Variants in TLK1 observed in about 807,000 individuals in gnomAD.
TLK1 encodes the protein tousled like kinase 1, also known as serine/threonine-protein kinase tousled-like 1.
TLK1 carries 24 observed loss-of-function variants against 105.3 expected under a neutral mutation model. That is an observed-to-expected ratio of 0.23 (90% CI 0.17 to 0.32). TLK1 has a LOEUF of 0.32. TLK1 is among the 10% of genes least tolerant of loss of function. TLK1 has a pLI of 1.00. For missense variants in TLK1, 558 were observed against 910.5 expected, an observed-to-expected ratio of 0.61 and a Z score of 4.98; for synonymous variants, 321 against 310.4, an observed-to-expected ratio of 1.03 and a Z score of -0.36.
chr2:171,195,489 A>G (rs1429341815), intron 1 of TLK1, among the ~76,000 whole-genome samples: 4 of 144,162 alleles, frequency 2.8e-5, no homozygotes, highest in Admixed American at 6.9e-5. Context: ...GTGACAGAGC[A>G]AGACTCTGTC....
At chr2:171,154,256 C>A (rs913628240) in intron 1 of TLK1, among the ~76,000 whole-genome samples, 1 of 152,084 alleles carries the variant, frequency 6.6e-6, no homozygotes, top group Non-Finnish European at 1.5e-5. Context: ...AGAAACATTT[C>A]TTTCACCAAT....
intron 12 of TLK1, chr2:171,023,026 T>C (rs946068742): frequency 1.1e-5 from 5 of 470,674 alleles, no homozygotes; most frequent in Non-Finnish European, 1.8e-5. Context: ...GGAAGATTAA[T>C]ACTGATGCTG....
chr2:171,110,908 C>T lies in TLK1; in HGVS notation c.258+6831G>A, dbSNP rs769605829. ...AACCATGGGGAGAAAGTCCCATAAC[C>T]GAACACATAAGAGCTACGCATTTTA... On this transcript the variant is annotated intron_variant, in intron 2 of 20. Coordinates refer to ENST00000431350, the MANE Select transcript of TLK1 (RefSeq NM_012290.5). Among the ~76,000 whole-genome samples, 7 of 152,106 alleles carry T rather than the reference C, an allele frequency of 4.6e-5. 1 individual carries two copies. The South Asian group carries it at 1.0e-3, about 23-fold the overall frequency.
intron 3 of TLK1, chr2:171,066,845 G>T (rs1688021428): frequency 2.6e-6 from 4 of 1,551,220 alleles, no homozygotes; most frequent in African/African-American, 2.7e-5. Context: ...AAATTACCTT[G>T]CCAGTAGTTT....
rs1340294141 is a variant in TLK1 at position 171,160,662 on chromosome 2, G to A, written c.-234C>T. 3 of 610,348 alleles carry A rather than the reference G, an allele frequency of 4.9e-6. No individual in the cohort carries two copies. The highest frequency in any genetic ancestry group is 7.9e-6 in the Non-Finnish European group (3 of 381,490). 37.8% of individuals were successfully genotyped at this position (610,348 alleles called of 1,614,324 possible). On this transcript the variant is annotated 5_prime_UTR_variant, in exon 1 of 21. Transcript: ENST00000431350. The surrounding 1 kb of genome is among the most constrained non-coding windows in gnomAD (Gnocchi z 4.4). The stretch of plus-strand genomic sequence containing the variant: ...GGGAAAGGGGGAGAAGCGAGGGAGC[G>A]AGCGGGCGCGCCAGAGGAGAGGAGG...
At chr2:171,115,226 C>CAATG (rs2105526158) in intron 2 of TLK1, among the ~76,000 whole-genome samples, 1 of 138,616 alleles carries the variant, frequency 7.2e-6, no homozygotes, top group African/African-American at 2.9e-5. Flanking sequence ...GGCTGGAGTG[C>CAATG]AATGGCGCCA....
At chr2:171,065,658 C>A (rs1035814718) in intron 3 of TLK1, among the ~76,000 whole-genome samples, 1 of 152,106 alleles carries the variant, frequency 6.6e-6, no homozygotes, top group African/African-American at 2.4e-5. Context: ...CTGCCTCAGC[C>A]TCCCAAGTAG....
chr2:171,160,480 A>C lies in TLK1; in HGVS notation c.-52T>G. 2 of 1,570,686 alleles carry C rather than the reference A, an allele frequency of 1.3e-6. No homozygotes were observed. Among genetic ancestry groups the C allele is most frequent in the East Asian group, 2.6e-5 (1 of 39,148 alleles). On this transcript the variant is annotated 5_prime_UTR_variant, in exon 1 of 21. Transcript: ENST00000431350. This position sits in a 1 kb window ranked among gnomAD's most constrained non-coding sequence, Gnocchi z 4.4. The stretch of plus-strand genomic sequence containing the variant: ...CCCCCCTGCGACGGCAGCGGCGGCA[A>C]CGGCACCGGCACCCGCCTCCGTCAT...
At chr2:171,106,285 A>C (rs935420186) in intron 2 of TLK1, among the ~76,000 whole-genome samples, 1 of 152,202 alleles carries the variant, frequency 6.6e-6, no homozygotes, top group African/African-American at 2.4e-5. Context: ...CTATAGGAAG[A>C]CTATAATTAA....
chr2:171,019,701 T>C (rs1038289878), intron 12 of TLK1, among the ~76,000 whole-genome samples: 9 of 152,146 alleles, frequency 5.9e-5, no homozygotes, highest in Non-Finnish European at 1.3e-4. Context: ...TAGAAGAATA[T>C]GGCTTGGAAC....
rs1335662117 is a variant in TLK1, at chr2:171,049,881, T to C, written c.913A>G (p.Thr305Ala). The change falls in exon 10 of 21, where the codon ACA becomes GCA. Residue 305 changes from threonine (T) to alanine (A), a missense_variant. Around this residue, in one of 5 missense-constraint regions of TLK1, gnomAD observed 196 missense variants for 239.3 expected, o/e 0.82. Transcript: ENST00000431350. ...GTAAATGAAGCGCCATGTCTAACTG[T>C]TGTAAAGTGCCCGAGGCGTAATCGA... ...QDRLRLGHFT[T>A]VRHGASFTEQ... 1.9e-6 allele frequency: 3 copies of C among 1,613,854 alleles called. No individual in the cohort carries two copies. The highest frequency in any genetic ancestry group is 1.3e-5 in the African/African-American group (1 of 74,894).
At chr2:171,225,624 G>A (rs1226166143) in intron 1 of TLK1, among the ~76,000 whole-genome samples, 1 of 151,746 alleles carries the variant, frequency 6.6e-6, no homozygotes, top group Non-Finnish European at 1.5e-5. Context: ...ATACATACAA[G>A]AGAACTGAAA....
At chr2:171,110,406 T>C (rs1026554966) in intron 2 of TLK1, among the ~76,000 whole-genome samples, 1 of 152,084 alleles carries the variant, frequency 6.6e-6, no homozygotes, top group African/African-American at 2.4e-5. Context: ...GAAGTGGAGG[T>C]TGCAGTGAGC....
At chr2:171,145,066 T>C (rs1691736210) in intron 1 of TLK1, among the ~76,000 whole-genome samples, 2 of 152,134 alleles carry the variant, frequency 1.3e-5, no homozygotes, top group South Asian at 2.1e-4. Context: ...CCCAGCACTT[T>C]AGGAAGCCAA....
chr2:171,073,878 C>A (rs1688373615), intron 3 of TLK1, among the ~76,000 whole-genome samples: 1 of 94,492 alleles, frequency 1.1e-5, no homozygotes, highest in African/African-American at 3.0e-5. Flanking sequence ...ACATTCCCCC[C>A]CCCCCTCCTT....
intron 1 of TLK1, among the ~76,000 whole-genome samples, chr2:171,206,766 A>T (rs1693515327): frequency 6.6e-6 from 1 of 152,262 alleles, no homozygotes; most frequent in African/African-American, 2.4e-5. Context: ...TCACCAAAGA[A>T]GATCTACAGA....
At position 171,127,201 on chromosome 2, in the gene TLK1, C is replaced by T. The variant is rs1690903010; in HGVS notation, c.140-9344G>A. ...CTGAGGCACGAGAATCACTTGAACCCGGGAGGCGGAGGTTGCAGTGAGCTG... is the reference window on the plus strand; with the variant it reads ...CTGAGGCACGAGAATCACTTGAACCTGGGAGGCGGAGGTTGCAGTGAGCTG... On this transcript the variant is annotated intron_variant, in intron 1 of 20. Transcript: ENST00000431350. Among the ~76,000 whole-genome samples, 7 of 150,092 alleles carry T rather than the reference C, an allele frequency of 4.7e-5. No individual in the cohort carries two copies. The South Asian group carries it at 1.0e-3, about 22-fold the overall frequency.
chr2:171,136,475 T>C (rs1426602874), intron 1 of TLK1, among the ~76,000 whole-genome samples: 1 of 152,142 alleles, frequency 6.6e-6, no homozygotes, highest in African/African-American at 2.4e-5. Flanking sequence ...CTCCAGAGGC[T>C]GAGGCAAGTG....
intron 1 of TLK1, among the ~76,000 whole-genome samples, chr2:171,229,075 G>A (rs1202183519): frequency 6.6e-6 from 1 of 152,154 alleles, no homozygotes; most frequent in African/African-American, 2.4e-5. Flanking sequence ...CCACCTCAGG[G>A]AACAATATGG....
Sources: gnomAD v4.1 joint callset for allele counts (sites outside exome capture counted in the v4.1 genomes callset) on GRCh38, gnomAD v4.1.1 for gene constraint, gnomAD v4.1.1 regional missense constraint, Gnocchi (gnomAD v3.1) non-coding constraint, MANE v1.5 for transcripts, NCBI Gene and HGNC (gene_info 2026-07-23, HGNC 2026-07-21) for gene names.